AP4S1: variants seen among roughly 807,000 people sequenced by gnomAD.
The protein encoded by AP4S1 is AP-4 complex subunit sigma-1.
In AP4S1, 23 loss-of-function variants were observed where a neutral mutation model predicts 19.8. That is an observed-to-expected ratio of 1.16 (90% CI 0.84 to 1.65). AP4S1 has a LOEUF of 1.65. Among genes scored for constraint, AP4S1 ranks in the 40% most tolerant of loss-of-function variants. The pLI is 0.00. For missense variants in AP4S1, 166 were observed against 172.8 expected, an observed-to-expected ratio of 0.96 and a Z score of 0.22; for synonymous variants, 46 against 54.1, an observed-to-expected ratio of 0.85 and a Z score of 0.66.
intron 5 of AP4S1, chr14:31,083,751 C>T (rs1312253527): frequency 3.0e-6 from 1 of 337,628 alleles, no homozygotes; most frequent in East Asian, 7.6e-5. Context: ...CTCAAGCAAG[C>T]CTCCTGCCTT....
At chr14:31,072,185 C>T (rs1197930212) in intron 3 of AP4S1, among the ~76,000 whole-genome samples, 4 of 152,076 alleles carry the variant, frequency 2.6e-5, no homozygotes, top group African/African-American at 4.8e-5. Flanking sequence ...AAGTGATCTA[C>T]GCATCTCAGC....
intron 1 of AP4S1, among the ~76,000 whole-genome samples, chr14:31,042,978 T>C (rs1477159193): frequency 6.6e-6 from 1 of 152,166 alleles, no homozygotes; most frequent in Non-Finnish European, 1.5e-5. Context: ...CCCAGCACTT[T>C]GGGAAGCCCA....
At chr14:31,084,623 A>G (rs1218637095) in intron 5 of AP4S1, 3 of 1,341,402 alleles carry the variant, frequency 2.2e-6, no homozygotes, top group South Asian at 1.3e-5. Context: ...ACTCCTGTGC[A>G]CTCTTCAGTT....
At chr14:31,041,975 C>T (rs755581719) in intron 1 of AP4S1, among the ~76,000 whole-genome samples, 6 of 152,134 alleles carry the variant, frequency 3.9e-5, no homozygotes, top group Non-Finnish European at 8.8e-5. Context: ...ATTACAGATG[C>T]ATACCATCAC....
At position 31,049,626 on chromosome 14, in the gene AP4S1, C is replaced by T. The variant is rs1361602490; in HGVS notation, c.-71-16500C>T. 5.3e-5 allele frequency among the ~76,000 whole-genome samples: 8 copies of T among 150,280 alleles called. No individual in the cohort carries two copies. In the South Asian group the frequency reaches 1.7e-3, roughly 32 times the overall value. ...TACTCAGACACACACACAAACAAGCCCTCTTCACTTTATTTTTTAAAATTT... is the reference window on the plus strand; with the variant it reads ...TACTCAGACACACACACAAACAAGCTCTCTTCACTTTATTTTTTAAAATTT... On this transcript the variant is annotated intron_variant, in intron 1 of 5. Coordinates refer to ENST00000542754, the MANE Select transcript of AP4S1 (RefSeq NM_001128126.3).
At chr14:31,031,641 C>G (rs975180308) in intron 1 of AP4S1, among the ~76,000 whole-genome samples, 1 of 152,110 alleles carries the variant, frequency 6.6e-6, no homozygotes. Flanking sequence ...TTCATGATTC[C>G]TGATGACACT....
chr14:31,080,546 C>T (rs1163362469), intron 4 of AP4S1, 27 bp from the exon 5 acceptor site: 11 of 1,588,668 alleles, frequency 6.9e-6, no homozygotes, highest in Non-Finnish European at 9.5e-6. Context: ...TTTTTTCTAA[C>T]CCTTGCACTC....
At chr14:31,059,372 CTTG>C (rs750971445) in intron 1 of AP4S1, among the ~76,000 whole-genome samples, 1 of 152,138 alleles carries the variant, frequency 6.6e-6, no homozygotes, top group Non-Finnish European at 1.5e-5. Flanking sequence ...AATTTGATCC[CTTG>C]TTGTAACACC....
chr14:31,026,035 G>C (rs1883875783), intron 1 of AP4S1: 1 of 1,537,190 alleles, frequency 6.5e-7, no homozygotes, highest in Non-Finnish European at 8.8e-7. Flanking sequence ...CCTGCCGCGG[G>C]ACCCGCTCCC....
chr14:31,036,308 C>G (rs534469776), intron 1 of AP4S1, among the ~76,000 whole-genome samples: 9 of 150,620 alleles, frequency 6.0e-5, no homozygotes, highest in African/African-American at 1.9e-4. Context: ...GCCTCAAATT[C>G]CTGGGCTCAA....
At chr14:31,067,275 GT>G (rs932173517) in intron 2 of AP4S1, among the ~76,000 whole-genome samples, 33 of 149,316 alleles carry the variant, frequency 2.2e-4, no homozygotes, top group African/African-American at 5.2e-4. Flanking sequence ...TAATTTAATA[GT>G]TTTTTTTTAT....
At chr14:31,067,716 A>G (rs2139576046) in intron 2 of AP4S1, among the ~76,000 whole-genome samples, 1 of 150,316 alleles carries the variant, frequency 6.7e-6, no homozygotes, top group East Asian at 2.0e-4. Flanking sequence ...ATGGGGTTTC[A>G]CCATGTTGGT....
At chr14:31,027,155 A>T (rs1418266591) in intron 1 of AP4S1, 1 of 151,158 alleles carries the variant, frequency 6.6e-6, no homozygotes, top group African/African-American at 2.4e-5. Context: ...TTCTTGGGAG[A>T]AGAAGAGGTA....
intron 1 of AP4S1, among the ~76,000 whole-genome samples, chr14:31,065,359 T>C (rs1886656385): frequency 6.6e-6 from 1 of 152,228 alleles, no homozygotes; most frequent in Non-Finnish European, 1.5e-5. Flanking sequence ...TCTCCTGTGA[T>C]GTTCCTTGTC....
At chr14:31,084,811 C>T in intron 5 of AP4S1, 2 of 1,614,124 alleles carry the variant, frequency 1.2e-6, no homozygotes, top group Non-Finnish European at 1.7e-6. Context: ...AGCCCTGGAG[C>T]CCCAGCAGAC....
At chr14:31,057,600 T>G (rs1886191064) in intron 1 of AP4S1, among the ~76,000 whole-genome samples, 1 of 152,048 alleles carries the variant, frequency 6.6e-6, no homozygotes, top group Non-Finnish European at 1.5e-5. Flanking sequence ...TACTTTTATG[T>G]TGTTTTGGTT....
upstream of AP4S1, chr14:31,025,160 TATAG>T (rs775554692): frequency 1.8e-4 from 27 of 152,192 alleles, no homozygotes; most frequent in Admixed American, 5.9e-4. Context: ...TTGGTTTTTT[TATAG>T]ATAAAGAAAC....
At chr14:31,074,380 C>T (rs1393225096) in intron 4 of AP4S1, among the ~76,000 whole-genome samples, 2 of 138,064 alleles carry the variant, frequency 1.4e-5, no homozygotes, top group Admixed American at 7.5e-5. Context: ...AAGCTGGGCG[C>T]GGTGGCTGAC....
chr14:31,031,817 C>G (rs1184852666), intron 1 of AP4S1, among the ~76,000 whole-genome samples: 1 of 152,204 alleles, frequency 6.6e-6, no homozygotes, highest in Non-Finnish European at 1.5e-5. Context: ...GTCCTTTCAT[C>G]AGTCCTGTTC....
Sources: gnomAD v4.1 joint callset for allele counts (sites outside exome capture counted in the v4.1 genomes callset) on GRCh38, gnomAD v4.1.1 for gene constraint, MANE v1.5 for transcripts, NCBI Gene and HGNC (gene_info 2026-07-23, HGNC 2026-07-21) for gene names.